The following GABRA2 variants were observed in gnomAD, a reference collection of about 807,000 sequenced individuals.
GABRA2 encodes the protein gamma-aminobutyric acid receptor subunit alpha-2.
A neutral mutation model predicts 48.7 loss-of-function variants in GABRA2; 16 were observed. That is an observed-to-expected ratio of 0.33 (90% CI 0.22 to 0.50). The LOEUF (loss-of-function observed/expected upper bound fraction) is 0.50. GABRA2 is among the 20% of genes least tolerant of loss of function. The pLI is 0.98. For synonymous variants in GABRA2, 185 were observed against 184.5 expected, an observed-to-expected ratio of 1.00 and a Z score of -0.02; for missense variants, 275 against 535.6, an observed-to-expected ratio of 0.51 and a Z score of 4.80.
chr4:46,265,008 AAGAG>A (rs1393614782), intron 8 of GABRA2, among the ~76,000 whole-genome samples: 1 of 57,996 alleles, frequency 1.7e-5, no homozygotes, highest in Non-Finnish European at 4.1e-5. Flanking sequence ...TATATGTATA[AAGAG>A]AGAGAGAGAT....
intron 3 of GABRA2, among the ~76,000 whole-genome samples, chr4:46,343,164 C>T (rs1251511872): frequency 6.6e-6 from 1 of 151,964 alleles, no homozygotes; most frequent in Non-Finnish European, 1.5e-5. Flanking sequence ...CCCTGTTTTT[C>T]CCCACTTTTT....
At chr4:46,260,581 C>T (rs1195612613) in intron 9 of GABRA2, among the ~76,000 whole-genome samples, 1 of 151,664 alleles carries the variant, frequency 6.6e-6, no homozygotes, top group Non-Finnish European at 1.5e-5. Flanking sequence ...GACATATTTA[C>T]AAAGGTCTAA....
At chr4:46,273,518 T>TGC (rs1387887836) in intron 8 of GABRA2, among the ~76,000 whole-genome samples, 1 of 33,970 alleles carries the variant, frequency 2.9e-5, no homozygotes, top group African/African-American at 1.3e-4. Context: ...TATATATATA[T>TGC]ATATATATAT....
rs1405947553 is a variant in GABRA2, at chr4:46,250,490, T to A, written c.1174A>T (p.Thr392Ser). ...PVLSTISKSA[T>S]TPEPNKKPEN... ...GGCTTCTTGTTGGGTTCTGGCGTGG[T>A]TGCACTCTTGGAGATGGTGGAGAGA... is the stretch of plus-strand genomic sequence containing the variant. The change falls in exon 10 of 10, where the codon ACC becomes TCC. Residue 392 changes from threonine to serine, a missense_variant. This residue lies in a region of GABRA2 where 99 missense variants were observed against 124.3 expected (regional missense o/e 0.80). Transcript: ENST00000381620. 6.2e-7 allele frequency: 1 copy of A among 1,612,020 alleles called. No individual in the cohort carries two copies. Among genetic ancestry groups the A allele is most frequent in the African/African-American group, 1.3e-5 (1 of 74,734 alleles).
chr4:46,356,225 T>C (rs749411894), intron 3 of GABRA2, among the ~76,000 whole-genome samples: 10 of 152,126 alleles, frequency 6.6e-5, no homozygotes, highest in Non-Finnish European at 1.2e-4. Context: ...TCAGCTTTCT[T>C]TTGCTCTGCT....
At position 46,248,801 on chromosome 4, in the gene GABRA2, A is replaced by G. The variant is rs1235419250; in HGVS notation, c.*1507T>C. 2.0e-5 allele frequency: 3 copies of G among 151,482 alleles called. No individual in the cohort carries two copies. Among genetic ancestry groups the G allele is most frequent in the Non-Finnish European group, 3.0e-5 (2 of 67,658 alleles). 9.4% of individuals were successfully genotyped at this position (151,482 alleles called of 1,614,324 possible). A position where few individuals can be genotyped will look rare whatever the true frequency, so the allele number is the denominator to read the frequency against. On this transcript the variant is annotated 3_prime_UTR_variant, in exon 10 of 10. Transcript: ENST00000381620. Reference sequence around the variant, plus strand: ...TGTTTCTACAAAAACACCATCGTAAAGGTGCATGTTTTAGTAAAAGTCAAC... The same window carrying G: ...TGTTTCTACAAAAACACCATCGTAAGGGTGCATGTTTTAGTAAAAGTCAAC...
chr4:46,350,468 T>C (rs1340438482), intron 3 of GABRA2, among the ~76,000 whole-genome samples: 1 of 151,892 alleles, frequency 6.6e-6, no homozygotes, highest in African/African-American at 2.4e-5. Context: ...CTTTGTTCTA[T>C]ATCATACATC....
intron 8 of GABRA2, among the ~76,000 whole-genome samples, chr4:46,292,235 C>A (rs1023350285): frequency 6.6e-6 from 1 of 152,162 alleles, no homozygotes; most frequent in Non-Finnish European, 1.5e-5. Flanking sequence ...TAACTCCAGG[C>A]TTCACAAGCA....
rs1714237316 is a variant in GABRA2, at chr4:46,249,073, C to CTGTGTGT, written c.*1234_*1235insACACACA. 1 of 55,398 alleles carries CTGTGTGT rather than the reference C, an allele frequency of 1.8e-5. No individual in the cohort carries two copies. Among genetic ancestry groups the CTGTGTGT allele is most frequent in the African/African-American group, 5.4e-5 (1 of 18,600 alleles). 3.4% of individuals were successfully genotyped at this position (55,398 alleles called of 1,614,324 possible). On this transcript the variant is annotated 3_prime_UTR_variant, in exon 10 of 10. Coordinates refer to ENST00000381620, the MANE Select transcript of GABRA2 (RefSeq NM_000807.4). ...GTGTGTGTGTGTGTATGTTTGTGCA[C>CTGTGTGT]GTGAAATAATCCACAATCTATTGGT...
chr4:46,304,624 A>G (rs1726323690), intron 7 of GABRA2, among the ~76,000 whole-genome samples: 1 of 152,042 alleles, frequency 6.6e-6, no homozygotes, highest in Admixed American at 6.6e-5. Flanking sequence ...AAAAAATAGA[A>G]AACTAAAGAA....
chr4:46,360,509 A>G (rs1191398620), intron 3 of GABRA2, among the ~76,000 whole-genome samples: 1 of 152,240 alleles, frequency 6.6e-6, no homozygotes, highest in Non-Finnish European at 1.5e-5. Flanking sequence ...AGGCTTTCCC[A>G]GCCATGGGGA....
chr4:46,346,530 T>G (rs1361169471), intron 3 of GABRA2, among the ~76,000 whole-genome samples: 1 of 150,968 alleles, frequency 6.6e-6, no homozygotes, highest in Non-Finnish European at 1.5e-5. Flanking sequence ...ATATATTACA[T>G]ATCCTCTTAG....
chr4:46,311,429 G>A (rs1727624248), intron 5 of GABRA2, among the ~76,000 whole-genome samples: 1 of 152,100 alleles, frequency 6.6e-6, no homozygotes. Context: ...ATATAATGCT[G>A]ATGTCAGATG....
intron 3 of GABRA2, among the ~76,000 whole-genome samples, chr4:46,343,663 T>G (rs893866432): frequency 6.6e-6 from 1 of 151,990 alleles, no homozygotes; most frequent in African/African-American, 2.4e-5. Flanking sequence ...TTGTGTGAAC[T>G]TGGACAATGA....
intron 8 of GABRA2, among the ~76,000 whole-genome samples, chr4:46,292,855 C>A (rs1017932942): frequency 2.6e-5 from 4 of 152,168 alleles, no homozygotes; most frequent in African/African-American, 9.7e-5. Context: ...GTGAGGGCAG[C>A]ACCTCCATCT....
chr4:46,280,714 T>G (rs1721371453), intron 8 of GABRA2, among the ~76,000 whole-genome samples: 1 of 152,180 alleles, frequency 6.6e-6, no homozygotes, highest in African/African-American at 2.4e-5. Flanking sequence ...AAGTCTTAAC[T>G]CCTCATGTGG....
At chr4:46,252,242 G>A (rs1714920223) in intron 9 of GABRA2, among the ~76,000 whole-genome samples, 1 of 151,386 alleles carries the variant, frequency 6.6e-6, no homozygotes, top group Admixed American at 6.6e-5. Flanking sequence ...ATGAAAGAAG[G>A]AAGGATGAGA....
intron 8 of GABRA2, among the ~76,000 whole-genome samples, chr4:46,270,465 T>A (rs1719108656): frequency 6.6e-6 from 1 of 152,044 alleles, no homozygotes; most frequent in South Asian, 2.1e-4. Flanking sequence ...TGCATTTTTC[T>A]ACACTAGTTG....
chr4:46,305,903 G>A (rs926066277), intron 6 of GABRA2, among the ~76,000 whole-genome samples, 192 bp from the exon 7 acceptor site: 1 of 152,126 alleles, frequency 6.6e-6, no homozygotes, highest in Admixed American at 6.5e-5. Context: ...CAAAAGAGAT[G>A]ATCATGACCA....
Sources: allele counts gnomAD v4.1 joint callset (sites outside exome capture counted in the v4.1 genomes callset), GRCh38; gene constraint gnomAD v4.1.1; regional missense constraint gnomAD v4.1.1; transcripts MANE v1.5; gene names NCBI Gene and HGNC (gene_info 2026-07-23, HGNC 2026-07-21).